The following PRKG1 variants were observed in gnomAD, a reference collection of about 807,000 sequenced individuals.
The protein encoded by PRKG1 is cGMP-dependent protein kinase 1.
In PRKG1, 35 loss-of-function variants were observed where a neutral mutation model predicts 88.1. That is an observed-to-expected ratio of 0.40 (90% confidence interval 0.30 to 0.53). The LOEUF is 0.53. Among genes scored for constraint, PRKG1 ranks in the 20% least tolerant of loss-of-function variants. PRKG1 has a pLI of 0.59. For missense variants in PRKG1, 540 were observed against 839.8 expected (o/e 0.64, Z 4.41); for synonymous variants, 303 against 292.5 (o/e 1.04, Z -0.37).
chr10:51,025,337 T>C (rs774635985), intron 1 of PRKG1, among the ~76,000 whole-genome samples: 4 of 152,218 alleles, frequency 2.6e-5, no homozygotes, highest in Non-Finnish European at 5.9e-5. Flanking sequence ...CATTTTTTCC[T>C]GTACTCAATC....
At chr10:51,829,176 A>G (rs1245856590) in intron 4 of PRKG1, among the ~76,000 whole-genome samples, 2 of 152,232 alleles carry the variant, frequency 1.3e-5, no homozygotes, top group Non-Finnish European at 2.9e-5. Context: ...GATGCATTAC[A>G]ATATGGCAGT....
chr10:51,113,936 C>G (rs573060664), intron 1 of PRKG1, among the ~76,000 whole-genome samples: 1 of 138,832 alleles, frequency 7.2e-6, no homozygotes, highest in Non-Finnish European at 1.5e-5. Context: ...AAAAAGTCAG[C>G]CTGTAAACGT....
At chr10:51,771,448 A>G (rs1838302755) in intron 3 of PRKG1, among the ~76,000 whole-genome samples, 2 of 152,210 alleles carry the variant, frequency 1.3e-5, no homozygotes, top group Admixed American at 6.5e-5. Flanking sequence ...GGATGGACAG[A>G]GCACTGCATT....
chr10:51,010,830 A>C (rs953987143), intron 1 of PRKG1, among the ~76,000 whole-genome samples: 5 of 152,228 alleles, frequency 3.3e-5, no homozygotes, highest in African/African-American at 1.2e-4. Flanking sequence ...AACAAAATAA[A>C]GTACTCTCTT....
chr10:52,015,820 A>C (rs114880448), intron 5 of PRKG1, among the ~76,000 whole-genome samples: 2,912 of 152,242 alleles, frequency 0.019, 75 homozygotes, highest in African/African-American at 0.06. Flanking sequence ...ATCTCTCTCA[A>C]GTTCAAAGTT....
chr10:51,949,727 TA>T (rs1006314968), intron 5 of PRKG1, among the ~76,000 whole-genome samples: 2 of 152,176 alleles, frequency 1.3e-5, no homozygotes, highest in African/African-American at 4.8e-5. Flanking sequence ...GTCCCTTGTT[TA>T]ATCAAGAAGT....
At chr10:51,448,773 T>A (rs1839349150) in intron 2 of PRKG1, among the ~76,000 whole-genome samples, 1 of 151,976 alleles carries the variant, frequency 6.6e-6, no homozygotes, top group Non-Finnish European at 1.5e-5. Flanking sequence ...CTTACATAAG[T>A]CTTAATTTTC....
intron 3 of PRKG1, among the ~76,000 whole-genome samples, chr10:51,787,197 T>G (rs1177255238): frequency 6.6e-6 from 1 of 152,190 alleles, no homozygotes; most frequent in Non-Finnish European, 1.5e-5. Flanking sequence ...TATCTAAGTA[T>G]TGTTTCAAAA....
intron 5 of PRKG1, among the ~76,000 whole-genome samples, chr10:51,918,338 T>A (rs1228831470): frequency 1.3e-5 from 2 of 152,060 alleles, no homozygotes; most frequent in African/African-American, 2.4e-5. Context: ...GACTTATTTT[T>A]TTTTTATTTT....
chr10:51,072,562 T>C (rs566119584), upstream of PRKG1, among the ~76,000 whole-genome samples: 1 of 152,244 alleles, frequency 6.6e-6, no homozygotes, highest in African/African-American at 2.4e-5. Flanking sequence ...TTTCAATATT[T>C]GTAAGTTGCT....
intron 10 of PRKG1, among the ~76,000 whole-genome samples, chr10:52,258,923 T>C (rs551634291): frequency 2.0e-5 from 3 of 151,994 alleles, no homozygotes; most frequent in South Asian, 4.2e-4. Flanking sequence ...GGGATTTAAA[T>C]GAACAGATGG....
intron 7 of PRKG1, among the ~76,000 whole-genome samples, chr10:52,117,969 T>C (rs1847728118): frequency 6.6e-6 from 1 of 151,942 alleles, no homozygotes; most frequent in South Asian, 2.1e-4. Flanking sequence ...TGTATTTTAA[T>C]CAATACTACA....
chr10:51,115,410 C>CAG lies in PRKG1; in HGVS notation c.312-37730_312-37729dup, dbSNP rs10599349. Among the ~76,000 whole-genome samples the CAG allele has an allele frequency of 7.7e-4, 86 of 112,012 alleles. 5 individuals are homozygous for CAG. Among genetic ancestry groups the CAG allele is most frequent in the African/African-American group, 1.8e-3 (57 of 31,754 alleles). 73.5% of individuals were successfully genotyped at this position (112,012 alleles called of 152,430 possible). A position where few individuals can be genotyped will look rare whatever the true frequency, so the allele number is the denominator to read the frequency against. ...AAAACAAATGTGAAAGGGGGAGAGA[C>CAG]AGAGAGAGAGAGAGAGAGAGAGAGA... On this transcript the variant is annotated intron_variant, in intron 1 of 17. Transcript: ENST00000373980.
intron 3 of PRKG1, among the ~76,000 whole-genome samples, chr10:51,584,418 T>G (rs1269272453): frequency 6.6e-6 from 1 of 152,006 alleles, no homozygotes. Context: ...GAATATAATA[T>G]ATAATTAAGA....
chr10:52,128,263 A>G, intron 7 of PRKG1: 1 of 985,456 alleles, frequency 1.0e-6, no homozygotes, highest in Non-Finnish European at 1.2e-6. Flanking sequence ...TGTGGACAGC[A>G]GTCATGTTGC....
intron 6 of PRKG1, among the ~76,000 whole-genome samples, chr10:52,062,282 G>A (rs1846255246): frequency 6.6e-6 from 1 of 152,084 alleles, no homozygotes; most frequent in African/African-American, 2.4e-5. Context: ...GATGAGGAGT[G>A]AGATCAAATT....
In PRKG1 at chr10:52,072,158, CTT is replaced by C. The variant is rs60576406; in HGVS notation, c.935+9552_935+9553del. On this transcript the variant is annotated intron_variant, in intron 7 of 17. Coordinates refer to ENST00000373980, the MANE Select transcript of PRKG1 (RefSeq NM_006258.4). ...GAGACTCTCAGGGTTTATTGTTTTG[CTT>C]TTTTTTTTTTTTTTTTTTTTTTTTA... Among the ~76,000 whole-genome samples, 130 of 39,566 alleles carry C rather than the reference CTT, an allele frequency of 3.3e-3. 4 individuals are homozygous for C. Among genetic ancestry groups the C allele is most frequent in the Middle Eastern group, 0.029 (1 of 34 alleles). 26.0% of individuals were successfully genotyped at this position (39,566 alleles called of 152,430 possible). A position where few individuals can be genotyped will look rare whatever the true frequency, so the allele number is the denominator to read the frequency against.
chr10:51,627,929 T>TTCCTTTCTTC (rs1426640394), intron 3 of PRKG1, among the ~76,000 whole-genome samples: 2 of 41,632 alleles, frequency 4.8e-5, no homozygotes, highest in African/African-American at 1.2e-4. Context: ...TCCCTTCCTT[T>TTCCTTTCTTC]CTTCCTTCCT....
chr10:51,792,736 T>G (rs1838900269), intron 3 of PRKG1, among the ~76,000 whole-genome samples: 1 of 152,156 alleles, frequency 6.6e-6, no homozygotes, highest in Non-Finnish European at 1.5e-5. Context: ...CTATCCCTGT[T>G]GCCCTCAATG....
Sources: gnomAD v4.1 joint callset for allele counts (sites outside exome capture counted in the v4.1 genomes callset) on GRCh38, gnomAD v4.1.1 for gene constraint, MANE v1.5 for transcripts, NCBI Gene and HGNC (gene_info 2026-07-23, HGNC 2026-07-21) for gene names.